Variants in NAA15 observed in about 807,000 individuals in gnomAD.
NAA15 encodes the protein N-alpha-acetyltransferase 15, NatA auxiliary subunit.
A neutral mutation model predicts 114.0 loss-of-function variants in NAA15; 34 were observed. That is an observed-to-expected ratio of 0.30 (90% CI 0.23 to 0.40). NAA15 has a LOEUF of 0.40. Among genes scored for constraint, NAA15 ranks in the 10% least tolerant of loss-of-function variants. The pLI is 1.00. For synonymous variants in NAA15, 340 were observed against 338.0 expected, an observed-to-expected ratio of 1.01 and a Z score of -0.06; for missense variants, 658 against 1,004.5, an observed-to-expected ratio of 0.66 and a Z score of 4.66.
At chr4:139,323,053 C>CTTTTTTTTTT (rs67137305) in intron 1 of NAA15, among the ~76,000 whole-genome samples, 43 of 117,426 alleles carry the variant, frequency 3.7e-4, no homozygotes, top group Non-Finnish European at 5.3e-4. Flanking sequence ...CTTTTCTTTT[C>CTTTTTTTTTT]TTTTTTTTTT....
chr4:139,372,250 A>G (rs1748463650), intron 15 of NAA15, among the ~76,000 whole-genome samples: 1 of 152,074 alleles, frequency 6.6e-6, no homozygotes, highest in African/African-American at 2.4e-5. Context: ...TCTTTTGATT[A>G]TTTAGTTACT....
chr4:139,325,910 C>T (rs1193053352), intron 1 of NAA15, among the ~76,000 whole-genome samples: 1 of 152,172 alleles, frequency 6.6e-6, no homozygotes, highest in East Asian at 1.9e-4. Context: ...CAGGTGTGAG[C>T]CACCATGCCC....
intron 16 of NAA15, 77 bp from the exon 17 acceptor site, chr4:139,378,679 T>C: frequency 2.5e-6 from 2 of 792,660 alleles, no homozygotes; most frequent in Non-Finnish European, 3.9e-6. Flanking sequence ...TTACTTTTTC[T>C]ATTTGTGAAG....
chr4:139,360,625 G>C lies in NAA15; in HGVS notation c.1536G>C (p.Glu512Asp). Reference sequence around the variant, plus strand: ...CACTTAAGAAATGTCATGAGATTGAGAGAGTAAGTACCTTCTACATAAAAG... The same window carrying C: ...CACTTAAGAAATGTCATGAGATTGACAGAGTAAGTACCTTCTACATAAAAG... ...GEALKKCHEI[E>D]RHFIEITDDQ... The change falls in exon 13 of 20, where the codon GAG (glutamate) becomes GAC (aspartate). Residue 512 changes from glutamate to aspartate, a missense_variant. This residue lies in a region of NAA15 where 281 missense variants were observed against 389.1 expected (regional missense o/e 0.72). Transcript: ENST00000296543. The C allele has an allele frequency of 6.2e-7, 1 of 1,603,904 alleles. No individual in the cohort carries two copies. The highest frequency in any genetic ancestry group is 1.3e-5 in the African/African-American group (1 of 74,502).
chr4:139,385,322 G>A lies in NAA15; in HGVS notation c.2302+344G>A, dbSNP rs1359157605. ...TATAATATATATTATATATATATGC[G>A]CTTCCTATACATTTTTTAATTTCTT... On this transcript the variant is annotated intron_variant, in intron 18 of 19. Coordinates refer to ENST00000296543, the MANE Select transcript of NAA15 (RefSeq NM_057175.5). 9.1e-5 allele frequency among the ~76,000 whole-genome samples: 10 copies of A among 109,636 alleles called. No individual in the cohort carries two copies. In the South Asian group the frequency reaches 1.2e-3, roughly 13 times the overall value. The allele number at this position is 109,636 out of a possible 152,430, so 71.9% of individuals were successfully genotyped here.
chr4:139,336,958 C>CT lies in NAA15; in HGVS notation c.244+11dup, dbSNP rs1474986379. 1.3e-6 allele frequency: 2 copies of CT among 1,553,030 alleles called. No homozygotes were observed. Among genetic ancestry groups the CT allele is most frequent in the African/African-American group, 2.8e-5 (2 of 72,382 alleles). ...TGACTTGAAGAGTCATGTGTGTATC[C>CT]TTTTTGAGATATATTTAAGGTTTGA... On this transcript the variant is annotated splice_region_variant and intron_variant, in intron 3 of 19. Transcript: ENST00000296543.
chr4:139,357,538 A>G lies in NAA15; in HGVS notation c.1240A>G (p.Lys414Glu). Residue 414 changes from lysine (K) to glutamate (E), a missense_variant, in exon 11 of 20, where the codon AAA (lysine) becomes GAA (glutamate). By Grantham distance (56) the Lys-to-Glu change is moderately conservative. This residue lies in a region of NAA15 where 281 missense variants were observed against 389.1 expected (regional missense o/e 0.72). Coordinates refer to ENST00000296543, the MANE Select transcript of NAA15 (RefSeq NM_057175.5). ...TACATTAATAGAACTCTTTCTCGTG[A>G]AAGCTAAAATCTATAAGGTAAAAAT... The part of the protein sequence containing the change: ...TPTLIELFLV[K>E]AKIYKHAGNI... 6.2e-7 allele frequency: 1 copy of G among 1,605,528 alleles called. No homozygotes were observed. Among genetic ancestry groups the G allele is most frequent in the Non-Finnish European group, 8.5e-7 (1 of 1,173,556 alleles).
intron 13 of NAA15, among the ~76,000 whole-genome samples, chr4:139,361,023 A>G (rs527966898): frequency 1.4e-3 from 207 of 152,248 alleles, no homozygotes; most frequent in African/African-American, 4.7e-3. Flanking sequence ...GACTTTTCAC[A>G]ATATTTCTTC....
chr4:139,315,001 T>TGAGGTTAGG (rs1553992509), intron 1 of NAA15, among the ~76,000 whole-genome samples: 4 of 74,354 alleles, frequency 5.4e-5, no homozygotes, highest in African/African-American at 1.3e-4. Context: ...TTCAGTTCAG[T>TGAGGTTAGG]TTAGTTTAGG....
In NAA15 at chr4:139,375,442, GCTTTT is replaced by G. The variant is rs377281694; in HGVS notation, c.1948-897_1948-893del. Among the ~76,000 whole-genome samples, 344 of 147,326 alleles carry G rather than the reference GCTTTT, an allele frequency of 2.3e-3. 1 individual carries two copies. Among genetic ancestry groups the G allele is most frequent in the East Asian group, 8.1e-3 (41 of 5,062 alleles). On this transcript the variant is annotated intron_variant, in intron 15 of 19. Coordinates refer to ENST00000296543, the MANE Select transcript of NAA15 (RefSeq NM_057175.5). ...TGAATCCCATAGAATTCACTTCACT[GCTTTT>G]CTTTTCTTTTCTTTTCTTTTCTTTT...
intron 1 of NAA15, among the ~76,000 whole-genome samples, chr4:139,325,240 G>A (rs1746758912): frequency 6.6e-6 from 1 of 152,152 alleles, no homozygotes; most frequent in Non-Finnish European, 1.5e-5. Context: ...GACTGGGTAA[G>A]CAATGTAACA....
chr4:139,354,999 C>T (rs1045009136), intron 10 of NAA15, among the ~76,000 whole-genome samples: 1 of 152,168 alleles, frequency 6.6e-6, no homozygotes, highest in Non-Finnish European at 1.5e-5. Context: ...GCCTCAGCCT[C>T]CCGAGTAGCT....
chr4:139,309,846 A>G (rs1383125646), intron 1 of NAA15, among the ~76,000 whole-genome samples: 1 of 152,238 alleles, frequency 6.6e-6, no homozygotes, highest in Non-Finnish European at 1.5e-5. Context: ...AAAGCTTAAA[A>G]GGGAACTGAA....
chr4:139,340,744 C>G (rs1252547011), intron 3 of NAA15, among the ~76,000 whole-genome samples, 168 bp from the exon 4 acceptor site: 1 of 152,170 alleles, frequency 6.6e-6, no homozygotes, highest in Non-Finnish European at 1.5e-5. Flanking sequence ...GTGCTCTTTT[C>G]CACTGTATTA....
Position 139,349,561 on chromosome 4 carries a change from T to C in NAA15, c.791T>C (p.Leu264Ser). The change falls in exon 7 of 20, where the codon TTG becomes TCG. Residue 264 changes from leucine (L) to serine (S), a missense_variant. By Grantham distance (145) the Leu-to-Ser change is moderately radical. Around this residue, in one of 6 missense-constraint regions of NAA15, gnomAD observed 281 missense variants for 389.1 expected, o/e 0.72. Coordinates refer to ENST00000296543, the MANE Select transcript of NAA15 (RefSeq NM_057175.5). ...GAAAACTGGGCCTATTACAAAGGCT[T>C]GGAAAAAGCACTCAAGCCAGGTAGT... ...NPENWAYYKG[L>S]EKALKPANML... 6.2e-7 allele frequency: 1 copy of C among 1,609,786 alleles called. No individual in the cohort carries two copies. Among genetic ancestry groups the C allele is most frequent in the Non-Finnish European group, 8.5e-7 (1 of 1,178,946 alleles).
intron 10 of NAA15, among the ~76,000 whole-genome samples, chr4:139,355,637 A>G (rs1291503386): frequency 6.6e-6 from 1 of 152,174 alleles, no homozygotes; most frequent in Non-Finnish European, 1.5e-5. Flanking sequence ...CTCAATAGCT[A>G]TATATAGCTA....
At chr4:139,368,436 TGCCAGCTGGA>T (rs1319248694) in intron 14 of NAA15, among the ~76,000 whole-genome samples, 1 of 152,178 alleles carries the variant, frequency 6.6e-6, no homozygotes, top group African/African-American at 2.4e-5. Context: ...TTTAAAAAGT[TGCCAGCTGGA>T]GCATCTGAAG....
intron 4 of NAA15, among the ~76,000 whole-genome samples, chr4:139,341,717 A>G (rs1579107441): frequency 6.6e-6 from 1 of 151,828 alleles, no homozygotes; most frequent in East Asian, 1.9e-4. Flanking sequence ...CAAAACAAAA[A>G]AAAAATTTTT....
chr4:139,353,980 ATG>A (rs769683153), intron 9 of NAA15, 44 bp from the exon 10 acceptor site: 10 of 1,458,352 alleles, frequency 6.9e-6, no homozygotes, highest in Non-Finnish European at 9.6e-6. Flanking sequence ...AGAATAGTAA[ATG>A]TGTGTTTTTT....
Sources: allele counts gnomAD v4.1 joint callset (sites outside exome capture counted in the v4.1 genomes callset), GRCh38; gene constraint gnomAD v4.1.1; regional missense constraint gnomAD v4.1.1; transcripts MANE v1.5; gene names NCBI Gene and HGNC (gene_info 2026-07-23, HGNC 2026-07-21).